The following TRAM2 variants were observed in gnomAD, a reference collection of about 807,000 sequenced individuals.
The protein encoded by TRAM2 is translocation associated membrane protein 2.
TRAM2 carries 12 observed loss-of-function variants against 51.0 expected under a neutral mutation model. That is an observed-to-expected ratio of 0.24 (90% CI 0.15 to 0.38). TRAM2 has a LOEUF of 0.38. Among genes scored for constraint, TRAM2 ranks in the 10% least tolerant of loss-of-function variants. TRAM2 has a pLI of 1.00. For missense variants in TRAM2, 361 were observed against 462.0 expected, an observed-to-expected ratio of 0.78 and a Z score of 2.00; for synonymous variants, 175 against 179.4, an observed-to-expected ratio of 0.98 and a Z score of 0.20.
At chr6:52,576,049 A>C (rs1041227046) in intron 1 of TRAM2, among the ~76,000 whole-genome samples, 3 of 152,074 alleles carry the variant, frequency 2.0e-5, no homozygotes, top group African/African-American at 7.2e-5. Context: ...CCCCACTCCT[A>C]CACTATAAGA....
Position 52,502,762 on chromosome 6 carries a change from A to G in TRAM2, c.*435T>C. 5.7e-6 allele frequency: 1 copy of G among 176,716 alleles called. No individual in the cohort carries two copies. Among genetic ancestry groups the G allele is most frequent in the Non-Finnish European group, 1.2e-5 (1 of 83,424 alleles). 10.9% of individuals were successfully genotyped at this position (176,716 alleles called of 1,614,324 possible). ...GCTTCTGACCGGCAGGCCCTGGGGG[A>G]CCGAAGGACAGGACTGCAATCTTAG... On this transcript the variant is annotated 3_prime_UTR_variant, in exon 11 of 11. Transcript: ENST00000182527.
At chr6:52,546,923 G>A (rs1767212947) in intron 1 of TRAM2, among the ~76,000 whole-genome samples, 1 of 152,172 alleles carries the variant, frequency 6.6e-6, no homozygotes, top group Non-Finnish European at 1.5e-5. Flanking sequence ...AACAGCGCTT[G>A]GCACATAGTG....
chr6:52,516,486 G>C, intron 3 of TRAM2, 142 bp downstream of exon 3: 1 of 679,594 alleles, frequency 1.5e-6, no homozygotes, highest in East Asian at 2.7e-5. Flanking sequence ...GTGTGGTGAA[G>C]GAAGCCCAGG....
At chr6:52,553,841 C>A (rs570250322) in intron 1 of TRAM2, among the ~76,000 whole-genome samples, 15 of 152,318 alleles carry the variant, frequency 9.8e-5, no homozygotes, top group Admixed American at 7.8e-4. Context: ...CCTAGCACAT[C>A]ACAGGTATTC....
chr6:52,576,974 A>C lies in TRAM2; in HGVS notation c.-59T>G. The C allele has an allele frequency of 1.3e-6, 2 of 1,521,716 alleles. No homozygotes were observed. Among genetic ancestry groups the C allele is most frequent in the Non-Finnish European group, 1.8e-6 (2 of 1,137,212 alleles). The allele number at this position is 1,521,716 out of a possible 1,614,324, so 94.3% of individuals were successfully genotyped here. A position where few individuals can be genotyped will look rare whatever the true frequency, so the allele number is the denominator to read the frequency against. On this transcript the variant is annotated 5_prime_UTR_variant, in exon 1 of 11. Transcript: ENST00000182527. ...ACCCTGCGCTCACGAACCGCAGCGC[A>C]AACTTCTCCAGCACCGGCCCGGTCC...
chr6:52,513,441 C>A (rs1766488459), intron 4 of TRAM2, among the ~76,000 whole-genome samples: 1 of 152,154 alleles, frequency 6.6e-6, no homozygotes. Flanking sequence ...TGCCTGCTAG[C>A]AGGCAGCTCA....
chr6:52,557,875 G>A (rs928995466), intron 1 of TRAM2, among the ~76,000 whole-genome samples: 1 of 151,952 alleles, frequency 6.6e-6, no homozygotes, highest in Non-Finnish European at 1.5e-5. Flanking sequence ...CTGGGACTTC[G>A]GCCACGTCAC....
chr6:52,563,654 G>C (rs1767538838), intron 1 of TRAM2, among the ~76,000 whole-genome samples: 1 of 134,476 alleles, frequency 7.4e-6, no homozygotes, highest in African/African-American at 2.8e-5. Flanking sequence ...AGGAGGCAGA[G>C]CTTGCACTCC....
At chr6:52,568,466 G>A (rs1265665985) in intron 1 of TRAM2, among the ~76,000 whole-genome samples, 2 of 152,284 alleles carry the variant, frequency 1.3e-5, no homozygotes, top group East Asian at 3.9e-4. Flanking sequence ...TCTGCTCTAA[G>A]TTCTGAGGAA....
At chr6:52,512,842 A>C (rs1030020942) in intron 4 of TRAM2, among the ~76,000 whole-genome samples, 1 of 152,214 alleles carries the variant, frequency 6.6e-6, no homozygotes, top group African/African-American at 2.4e-5. Flanking sequence ...ACAACCATGC[A>C]CTAAAAATCT....
Position 52,502,618 on chromosome 6 carries a change from A to G in TRAM2, c.*579T>C, listed in dbSNP as rs1766254610. ...TGGCTGCTGTGCCTCAAGATGGTAC[A>G]TGCAGAACTGGAATCATATATCTCG... is the stretch of plus-strand genomic sequence containing the variant. On this transcript the variant is annotated 3_prime_UTR_variant, in exon 11 of 11. Transcript: ENST00000182527. The G allele has an allele frequency of 6.5e-6, 1 of 152,700 alleles. No homozygotes were observed. The highest frequency in any genetic ancestry group is 6.5e-5 in the Admixed American group (1 of 15,342). The allele number at this position is 152,700 out of a possible 1,614,324, so 9.5% of individuals were successfully genotyped here.
chr6:52,504,953 T>C (rs1022769120), intron 9 of TRAM2, among the ~76,000 whole-genome samples, 199 bp from the exon 10 acceptor site: 4 of 152,144 alleles, frequency 2.6e-5, no homozygotes, highest in Admixed American at 2.6e-4. Flanking sequence ...CCAGCATACA[T>C]CACATGTGCC....
At chr6:52,543,282 A>G (rs1157595258) in intron 1 of TRAM2, among the ~76,000 whole-genome samples, 1 of 152,222 alleles carries the variant, frequency 6.6e-6, no homozygotes, top group Non-Finnish European at 1.5e-5. Context: ...CCTTATCTGG[A>G]TAGCATAGCA....
intron 1 of TRAM2, among the ~76,000 whole-genome samples, chr6:52,574,831 C>CT (rs1395085368): frequency 1.3e-5 from 2 of 152,188 alleles, no homozygotes; most frequent in Non-Finnish European, 2.9e-5. Context: ...AACTCAAATG[C>CT]TGGCAGCCCT....
intron 1 of TRAM2, among the ~76,000 whole-genome samples, chr6:52,551,846 CA>C (rs1767315415): frequency 6.6e-6 from 1 of 152,252 alleles, no homozygotes; most frequent in Non-Finnish European, 1.5e-5. Context: ...TGTGCCCAAG[CA>C]CCATGCCCCA....
chr6:52,530,511 T>C (rs988676486), intron 2 of TRAM2, among the ~76,000 whole-genome samples: 1 of 152,250 alleles, frequency 6.6e-6, no homozygotes, highest in African/African-American at 2.4e-5. Context: ...TCTGCAGATG[T>C]AGTTAGTTAA....
At chr6:52,511,248 G>A (rs775810179) in intron 4 of TRAM2, among the ~76,000 whole-genome samples, 3 of 152,170 alleles carry the variant, frequency 2.0e-5, no homozygotes, top group Non-Finnish European at 4.4e-5. Context: ...GGGATTACAA[G>A]CACGCAACAC....
In TRAM2 at chr6:52,507,593, A is replaced by C; in HGVS notation, c.586T>G (p.Cys196Gly). 6.2e-7 allele frequency: 1 copy of C among 1,614,214 alleles called. No individual in the cohort carries two copies. The highest frequency in any genetic ancestry group is 2.2e-5 in the East Asian group (1 of 44,890). The part of the protein sequence containing the change: ...EEIPRQLQYI[C>G]LYLVHIAGAY... Reference sequence around the variant, plus strand: ...CCAGCTATATGCACCAGGTACAGGCAAATATACTGGAGCTGGCGGGGAATT... The same window carrying C: ...CCAGCTATATGCACCAGGTACAGGCCAATATACTGGAGCTGGCGGGGAATT... Residue 196 changes from cysteine to glycine, a missense_variant, in exon 7 of 11, where the codon TGC becomes GGC. Physicochemically the swap from Cys to Gly is radical, Grantham distance 159. Transcript: ENST00000182527.
chr6:52,559,945 C>T (rs1447567503), intron 1 of TRAM2, among the ~76,000 whole-genome samples: 1 of 151,902 alleles, frequency 6.6e-6, no homozygotes, highest in Admixed American at 6.6e-5. Context: ...AAAATTTTAA[C>T]AAAGAAACAT....
Sources: allele counts gnomAD v4.1 joint callset (sites outside exome capture counted in the v4.1 genomes callset), GRCh38; gene constraint gnomAD v4.1.1; transcripts MANE v1.5; gene names NCBI Gene and HGNC (gene_info 2026-07-23, HGNC 2026-07-21).